Variants in AADACL4 observed in about 807,000 individuals in gnomAD.
AADACL4 encodes the protein arylacetamide deacetylase-like 4.
In AADACL4, 9 loss-of-function variants were observed where a neutral mutation model predicts 14.1. That is an observed-to-expected ratio of 0.64 (90% CI 0.39 to 1.12). The LOEUF is 1.12. AADACL4 is among the 50% of genes most tolerant of loss of function. The probability of loss-of-function intolerance (pLI) is 0.01; values close to 1 mark genes in which losing one functional copy is unlikely to be tolerated. For missense variants in AADACL4, 531 were observed against 516.1 expected (o/e 1.03, Z -0.28); for synonymous variants, 188 against 201.6 (o/e 0.93, Z 0.57).
rs12035956 is a variant in AADACL4 at position 12,658,434 on chromosome 1, T to A, written c.386-3357T>A. 6.7e-4 allele frequency among the ~76,000 whole-genome samples: 102 copies of A among 152,200 alleles called. 1 individual carries two copies. In the East Asian group the frequency reaches 9.1e-3, roughly 14 times the overall value. On this transcript the variant is annotated intron_variant, in intron 2 of 3. Transcript: ENST00000376221. ...CCACCACACCTGGATAATTTTTGTA[T>A]TTTTAGTAGAGACGGGGTTTTGCCA...
chr1:12,644,618 C>T lies in AADACL4; in HGVS notation c.72C>T (p.Val24=). Residue 24 remains valine (V), a synonymous_variant, in exon 1 of 4, where the codon GTC becomes GTT. Coordinates refer to ENST00000376221, the MANE Select transcript of AADACL4 (RefSeq NM_001013630.2). The stretch of plus-strand genomic sequence containing the variant: ...TCCTGGGGGTCTTTGTCTGGGCTGT[C>T]TTTGAGCACTTCCTCACCACGGATA... ...IFFLGVFVWA[V]FEHFLTTDIP... is the part of the protein sequence containing the mutation. 2.5e-6 allele frequency: 4 copies of T among 1,614,200 alleles called. No homozygotes were observed. Among genetic ancestry groups the T allele is most frequent in the Non-Finnish European group, 3.4e-6 (4 of 1,180,028 alleles).
chr1:12,662,901 G>A (rs1413087793), intron 3 of AADACL4, among the ~76,000 whole-genome samples: 1 of 152,174 alleles, frequency 6.6e-6, no homozygotes, highest in Non-Finnish European at 1.5e-5. Context: ...AAAGCCCTTT[G>A]TGATAATAAA....
At chr1:12,661,753 A>C in intron 2 of AADACL4, 38 bp from the exon 3 acceptor site, 2 of 1,605,328 alleles carry the variant, frequency 1.2e-6, no homozygotes, top group Non-Finnish European at 1.7e-6. Context: ...TTTGGGTCCT[A>C]CTCATGCGCT....
intron 1 of AADACL4, among the ~76,000 whole-genome samples, chr1:12,645,427 A>T (rs954780531): frequency 4.0e-5 from 6 of 151,642 alleles, no homozygotes; most frequent in Admixed American, 3.3e-4. Context: ...GAATTCAAAA[A>T]CAATTTCAGA....
chr1:12,645,964 G>A (rs776271676), intron 1 of AADACL4, among the ~76,000 whole-genome samples: 7 of 152,280 alleles, frequency 4.6e-5, no homozygotes, highest in South Asian at 2.1e-4. Context: ...CTGAGTGGCC[G>A]TGCCAGCCAG....
chr1:12,650,997 C>A, intron 1 of AADACL4, 126 bp from the exon 2 acceptor site: 1 of 901,676 alleles, frequency 1.1e-6, no homozygotes. Context: ...CCTGAAGAGC[C>A]CCCTGTACCT....
chr1:12,666,433 A>G lies in AADACL4; in HGVS notation c.922A>G (p.Asn308Asp). 6.2e-7 allele frequency: 1 copy of G among 1,614,156 alleles called. No individual in the cohort carries two copies. The stretch of plus-strand genomic sequence containing the variant: ...CCAACCCTGGTCTCCCGGCCCTTTT[A>G]ATGAAGCTGCCTATCTAGAAGCCAA... ...GYQPWSPGPF[N>D]EAAYLEAKHM... The change falls in exon 4 of 4, where the codon AAT (asparagine) becomes GAT (aspartate). Residue 308 changes from asparagine (N) to aspartate (D), a missense_variant. Physicochemically the swap from Asn to Asp is conservative, Grantham distance 23. Transcript: ENST00000376221.
chr1:12,644,784 T>C (rs774991769), intron 1 of AADACL4, 70 bp downstream of exon 1: 1 of 1,489,918 alleles, frequency 6.7e-7, no homozygotes, highest in Non-Finnish European at 9.2e-7. Context: ...TTACCCTCTT[T>C]TCCCTCTTTC....
chr1:12,662,907 A>C (rs949763600), intron 3 of AADACL4, among the ~76,000 whole-genome samples: 5 of 152,356 alleles, frequency 3.3e-5, no homozygotes, highest in Admixed American at 2.6e-4. Context: ...CTTTGTGATA[A>C]TAAAAACATC....
chr1:12,663,277 G>A (rs115439361), intron 3 of AADACL4, among the ~76,000 whole-genome samples: 10 of 152,314 alleles, frequency 6.6e-5, no homozygotes, highest in Admixed American at 3.3e-4. Context: ...CATAGATGGG[G>A]CAGCTTAAAC....
chr1:12,651,071 T>C, intron 1 of AADACL4, 52 bp from the exon 2 acceptor site: 6 of 1,526,578 alleles, frequency 3.9e-6, no homozygotes, highest in Non-Finnish European at 4.5e-6. Context: ...GAATCTACCA[T>C]CCAGATTCTA....
At chr1:12,658,108 T>TTTCCTTCCTTCCTTCCTTCCTTCC (rs748632129) in intron 2 of AADACL4, among the ~76,000 whole-genome samples, 8 of 122,082 alleles carry the variant, frequency 6.6e-5, no homozygotes, top group South Asian at 5.7e-4. Context: ...TCTCTCTTTC[T>TTTCCTTCCTTCCTTCCTTCCTTCC]TTCCTTCCTT....
In AADACL4 at chr1:12,666,291, C is replaced by A. The variant is rs752979913; in HGVS notation, c.780C>A (p.Asp260Glu). The change falls in exon 4 of 4, where the codon GAC becomes GAA. Residue 260 changes from aspartate (D) to glutamate (E), a missense_variant. Transcript: ENST00000376221. ...VTSLCNYLAI[D>E]LSWRDAILNG... ...CTCTGTGTAACTATCTGGCCATTGA[C>A]CTCTCCTGGCGTGACGCCATCTTGA... 1.2e-5 allele frequency: 19 copies of A among 1,614,222 alleles called. No homozygotes were observed. The South Asian group carries it at 2.0e-4, about 17-fold the overall frequency.
intron 1 of AADACL4, among the ~76,000 whole-genome samples, chr1:12,647,656 TTTC>T (rs891497310): frequency 6.6e-6 from 1 of 151,020 alleles, no homozygotes; most frequent in Non-Finnish European, 1.5e-5. Flanking sequence ...TCTTTCTTTC[TTTC>T]TTTTTTTTTT....
In AADACL4 at chr1:12,650,334, G is replaced by T. The variant is rs148815898; in HGVS notation, c.169-789G>T. Among the ~76,000 whole-genome samples, 1,045 of 152,218 alleles carry T rather than the reference G, an allele frequency of 6.9e-3. 5 individuals are homozygous for T. Among genetic ancestry groups the T allele is most frequent in the Non-Finnish European group, 0.012 (785 of 68,002 alleles). On this transcript the variant is annotated intron_variant, in intron 1 of 3. Coordinates refer to ENST00000376221, the MANE Select transcript of AADACL4 (RefSeq NM_001013630.2). ...AAAACACATTACTCCCTTGACCTGA[G>T]CCCACAACAGACATCCCTAACTGAT...
At chr1:12,658,117 TTCCTTCCTTCCTTCCTTCCTTC>T (rs1647195559) in intron 2 of AADACL4, among the ~76,000 whole-genome samples, 1 of 77,318 alleles carries the variant, frequency 1.3e-5, no homozygotes, top group African/African-American at 6.3e-5. Flanking sequence ...CTTTCCTTCC[TTCCTTCCTTCCTTCCTTCCTTC>T]CTTTCTTTCT....
chr1:12,644,930 T>C (rs1647100650), intron 1 of AADACL4, among the ~76,000 whole-genome samples: 1 of 149,094 alleles, frequency 6.7e-6, no homozygotes, highest in Non-Finnish European at 1.5e-5. Context: ...TTTCTTCCTC[T>C]CTCCCTCCCT....
chr1:12,664,861 C>A (rs1647286900), intron 3 of AADACL4, among the ~76,000 whole-genome samples: 1 of 152,106 alleles, frequency 6.6e-6, no homozygotes, highest in African/African-American at 2.4e-5. Flanking sequence ...CTTTTAAAAG[C>A]TCATTTTAAA....
chr1:12,662,947 A>G (rs1189537768), intron 3 of AADACL4, among the ~76,000 whole-genome samples: 1 of 152,240 alleles, frequency 6.6e-6, no homozygotes, highest in Non-Finnish European at 1.5e-5. Flanking sequence ...AAAGGTATCA[A>G]TAAGCACCTG....
Sources: allele counts gnomAD v4.1 joint callset (sites outside exome capture counted in the v4.1 genomes callset), GRCh38; gene constraint gnomAD v4.1.1; transcripts MANE v1.5; gene names NCBI Gene and HGNC (gene_info 2026-07-23, HGNC 2026-07-21).